The following DGKB variants were observed in gnomAD, a reference collection of about 807,000 sequenced individuals.
The protein encoded by DGKB is 90 kDa diacylglycerol kinase.
A neutral mutation model predicts 114.3 loss-of-function variants in DGKB; 67 were observed. That is an observed-to-expected ratio of 0.59 (90% confidence interval 0.48 to 0.72). The LOEUF is 0.72. Ranked by LOEUF, DGKB falls within the 30% of genes least tolerant of loss-of-function variation. DGKB has a pLI of 0.00. For synonymous variants in DGKB, 398 were observed against 323.1 expected (o/e 1.23, Z -2.49); for missense variants, 907 against 975.2 (o/e 0.93, Z 0.93).
intron 21 of DGKB, among the ~76,000 whole-genome samples, chr7:14,355,313 T>C (rs918340937): frequency 1.3e-5 from 2 of 152,222 alleles, no homozygotes; most frequent in African/African-American, 4.8e-5. Context: ...TCCAACACTA[T>C]GTTGAATAGG....
intron 2 of DGKB, chr7:14,816,597 CTG>C (rs1844189036): frequency 6.6e-6 from 1 of 152,134 alleles, no homozygotes; most frequent in Non-Finnish European, 1.5e-5. Flanking sequence ...CATGTTATAA[CTG>C]TGCCACCTCT....
intron 21 of DGKB, among the ~76,000 whole-genome samples, chr7:14,393,706 TTAAC>T (rs1821788143): frequency 6.6e-6 from 1 of 152,168 alleles, no homozygotes; most frequent in Non-Finnish European, 1.5e-5. Context: ...CACCATCTAT[TTAAC>T]TATCTTATTA....
At chr7:14,325,279 G>T (rs184980341) in intron 23 of DGKB, among the ~76,000 whole-genome samples, 55 of 152,118 alleles carry the variant, frequency 3.6e-4, no homozygotes, top group Non-Finnish European at 7.5e-4. Flanking sequence ...TGCTAGATCA[G>T]TGGGGGGTCA....
rs76974069 is a variant in DGKB at position 14,307,440 on chromosome 7, C to T, written c.2122+31075G>A. 4.9e-4 allele frequency among the ~76,000 whole-genome samples: 74 copies of T among 152,128 alleles called. 1 individual carries two copies. In the East Asian group the frequency reaches 0.013, roughly 27 times the overall value. ...ATGACTAAGCATATTAATTGAATAG[C>T]GTTAAATAACAGTAAAGGTTAAAGA... On this transcript the variant is annotated intron_variant, in intron 23 of 25. Coordinates refer to ENST00000402815, the MANE Select transcript of DGKB (RefSeq NM_001350709.2).
chr7:14,253,276 G>A (rs965551872), intron 23 of DGKB, among the ~76,000 whole-genome samples: 5 of 151,846 alleles, frequency 3.3e-5, no homozygotes, highest in African/African-American at 1.2e-4. Flanking sequence ...CTCGTGATCC[G>A]CCCGCCTCAG....
At position 14,280,110 on chromosome 7, in the gene DGKB, GA is replaced by G. The variant is rs1009428142; in HGVS notation, c.2122+58404del. ...CAAAGGCAAAGAAGTTGAAAACTTTGAAAAAAATTTAGAAGAATGTATAACT... is the reference window on the plus strand; with the variant it reads ...CAAAGGCAAAGAAGTTGAAAACTTTGAAAAAATTTAGAAGAATGTATAACT... On this transcript the variant is annotated intron_variant, in intron 23 of 25. Coordinates refer to ENST00000402815, the MANE Select transcript of DGKB (RefSeq NM_001350709.2). Among the ~76,000 whole-genome samples, 5 of 151,178 alleles carry G rather than the reference GA, an allele frequency of 3.3e-5. No individual in the cohort carries two copies. The East Asian group carries it at 9.8e-4, about 30-fold the overall frequency.
At chr7:14,849,313 C>T (rs530372192) in intron 1 of DGKB, among the ~76,000 whole-genome samples, 1 of 148,002 alleles carries the variant, frequency 6.8e-6, no homozygotes, top group East Asian at 2.0e-4. Context: ...AATATTTGTC[C>T]CCCTCACTGC....
chr7:14,634,709 G>A (rs1810409590), intron 13 of DGKB, among the ~76,000 whole-genome samples: 1 of 151,400 alleles, frequency 6.6e-6, no homozygotes, highest in Admixed American at 6.6e-5. Flanking sequence ...TGTCTTAGCT[G>A]GACAGGTAAA....
intron 1 of DGKB, among the ~76,000 whole-genome samples, chr7:14,957,499 G>C (rs1346511091): frequency 2.0e-5 from 3 of 152,000 alleles, no homozygotes; most frequent in African/African-American, 7.2e-5. Flanking sequence ...AGAAGTTGAA[G>C]AAAGACTACA....
At chr7:14,484,636 C>T (rs1434671113) in intron 20 of DGKB, among the ~76,000 whole-genome samples, 3 of 152,296 alleles carry the variant, frequency 2.0e-5, no homozygotes, top group Admixed American at 6.5e-5. Flanking sequence ...GTCTGCAGAA[C>T]CTTGAGCCAA....
chr7:14,288,951 C>T (rs1270394305), intron 23 of DGKB, among the ~76,000 whole-genome samples: 1 of 152,152 alleles, frequency 6.6e-6, no homozygotes, highest in East Asian at 1.9e-4. Context: ...TCAGCCAAAA[C>T]TTAGCCTTTA....
At chr7:14,478,357 G>A (rs1174018555) in intron 20 of DGKB, 132 bp from the exon 21 acceptor site, 4 of 525,852 alleles carry the variant, frequency 7.6e-6, no homozygotes, top group Non-Finnish European at 1.3e-5. Context: ...AGAAGGTTAT[G>A]TAAAATTAGG....
Position 14,902,652 on chromosome 7 carries a change from G to A in DGKB, c.-248C>T, listed in dbSNP as rs896044878. 1.8e-4 allele frequency: 27 copies of A among 152,230 alleles called. No homozygotes were observed. Among genetic ancestry groups the A allele is most frequent in the African/African-American group, 6.3e-4 (26 of 41,444 alleles). The allele number at this position is 152,230 out of a possible 1,614,324, so 9.4% of individuals were successfully genotyped here. ...TGAAGCGAGAGCCACTGCTTTTCCG[G>A]AGAGGAACTGGGACTAGCCAGTTCT... On this transcript the variant is annotated 5_prime_UTR_variant, in exon 1 of 26. Transcript: ENST00000402815.
chr7:14,340,503 T>C (rs1811437352), intron 22 of DGKB, among the ~76,000 whole-genome samples: 1 of 151,484 alleles, frequency 6.6e-6, no homozygotes, highest in East Asian at 2.0e-4. Context: ...AAAAGTCAGA[T>C]TACCACAGGG....
At chr7:14,888,234 G>A (rs76982261) in intron 1 of DGKB, among the ~76,000 whole-genome samples, 4,185 of 151,786 alleles carry the variant, frequency 0.028, 180 homozygotes, top group African/African-American at 0.095. Flanking sequence ...AATGGCTAAG[G>A]AAGTAGTGGG....
chr7:14,917,509 A>T (rs1784301451), intron 1 of DGKB, among the ~76,000 whole-genome samples: 1 of 151,982 alleles, frequency 6.6e-6, no homozygotes, highest in South Asian at 2.1e-4. Context: ...TATTCTCACA[A>T]ATTTTATAAT....
At chr7:14,754,022 T>C in intron 3 of DGKB, 74 bp from the exon 4 acceptor site, 1 of 1,054,480 alleles carries the variant, frequency 9.5e-7, no homozygotes, top group South Asian at 1.5e-5. Flanking sequence ...ATATCTCTGA[T>C]TATTTAGCTA....
chr7:14,761,950 T>C lies in DGKB; in HGVS notation c.71-4219A>G, dbSNP rs1224237506. Reference sequence around the variant, plus strand: ...CTGGAAAGCAAAGGAGGGGTATGACTTGGGGAAATTCTGAAACATGGGGCT... The same window carrying C: ...CTGGAAAGCAAAGGAGGGGTATGACCTGGGGAAATTCTGAAACATGGGGCT... On this transcript the variant is annotated intron_variant, in intron 2 of 25. Transcript: ENST00000402815. Among the ~76,000 whole-genome samples, 3 of 152,156 alleles carry C rather than the reference T, an allele frequency of 2.0e-5. No homozygotes were observed. The East Asian group carries it at 5.8e-4, about 29-fold the overall frequency.
intron 25 of DGKB, among the ~76,000 whole-genome samples, chr7:14,158,853 A>G (rs1299071598): frequency 6.6e-6 from 1 of 152,080 alleles, no homozygotes; most frequent in Non-Finnish European, 1.5e-5. Flanking sequence ...CATCCTTGAC[A>G]CCTTCTTTTC....
Sources: gnomAD v4.1 joint callset for allele counts (sites outside exome capture counted in the v4.1 genomes callset) on GRCh38, gnomAD v4.1.1 for gene constraint, MANE v1.5 for transcripts, NCBI Gene and HGNC (gene_info 2026-07-23, HGNC 2026-07-21) for gene names.